RHEX: variants seen among roughly 807,000 people sequenced by gnomAD.
RHEX encodes the protein regulator of hemoglobinization and erythroid cell expansion protein.
A neutral mutation model predicts 20.1 loss-of-function variants in RHEX; 18 were observed. That is an observed-to-expected ratio of 0.90 (90% CI 0.62 to 1.33). The LOEUF is 1.33. RHEX is among the 40% of genes most tolerant of loss of function. The pLI is 0.00. For synonymous variants in RHEX, 87 were observed against 77.1 expected (o/e 1.13, Z -0.67); for missense variants, 192 against 214.3 (o/e 0.90, Z 0.65).
Position 206,097,774 on chromosome 1 carries a change from G to A in RHEX, c.-55G>A, listed in dbSNP as rs2102329601. The A allele has an allele frequency of 6.2e-7, 1 of 1,614,138 alleles. No individual in the cohort carries two copies. Among genetic ancestry groups the A allele is most frequent in the Non-Finnish European group, 8.5e-7 (1 of 1,179,990 alleles). ...CGGTGGCACTACTGAGAGACGAGGT[G>A]CCAGGGTGGTTCCTGAAAGTGCCTG... On this transcript the variant is annotated 5_prime_UTR_variant, in exon 2 of 6. Transcript: ENST00000331555.
intron 1 of RHEX, among the ~76,000 whole-genome samples, chr1:206,073,932 C>T (rs1337816781): frequency 4.6e-5 from 7 of 152,200 alleles, no homozygotes; most frequent in Admixed American, 2.6e-4. Flanking sequence ...CACTATCTGT[C>T]GGTTAAATCC....
At chr1:206,062,445 G>A (rs1234493436) in intron 1 of RHEX, among the ~76,000 whole-genome samples, 14 of 152,218 alleles carry the variant, frequency 9.2e-5, no homozygotes, top group Admixed American at 3.9e-4. Flanking sequence ...CAAAAGGGCC[G>A]AGGAGGGGGA....
Position 206,064,150 on chromosome 1 carries a change from G to A in RHEX, c.-97+10885G>A, listed in dbSNP as rs1210662041. On this transcript the variant is annotated intron_variant, in intron 1 of 5. Transcript: ENST00000331555. The stretch of plus-strand genomic sequence containing the variant: ...CGTCTGAGAAGTGAGGAGACCCTCC[G>A]CCCGGCAGCCGCCCCGTCTGAGAAG... 3.5e-4 allele frequency among the ~76,000 whole-genome samples: 51 copies of A among 145,924 alleles called. No homozygotes were observed. The East Asian group carries it at 8.8e-3, about 25-fold the overall frequency.
In RHEX at chr1:206,101,733, T is replaced by A; in HGVS notation, c.319-19T>A. ...CGTGGTAGGGATCTTGACCCACATG[T>A]CTCTGCTTTTCTCCTAAGGCCACAG... On this transcript the variant is annotated intron_variant, in intron 5 of 5. Transcript: ENST00000331555. 1 of 1,595,840 alleles carries A rather than the reference T, an allele frequency of 6.3e-7. No homozygotes were observed. The highest frequency in any genetic ancestry group is 1.3e-5 in the African/African-American group (1 of 74,518).
At chr1:206,083,654 A>C in intron 1 of RHEX, 2 of 984,606 alleles carry the variant, frequency 2.0e-6, no homozygotes, top group Non-Finnish European at 2.4e-6. Flanking sequence ...CCTAAGGGTA[A>C]GTACTGTCTA....
rs1387615139 is a variant in RHEX, at chr1:206,064,883, TG to T, written c.-97+11619del. On this transcript the variant is annotated intron_variant, in intron 1 of 5. Transcript: ENST00000331555. ...TGAGAAATCGGATGGTTGCCGTGTC[TG>T]TGTAGAAGGAGGTAGACATGGGAGA... Among the ~76,000 whole-genome samples, 639 of 148,206 alleles carry T rather than the reference TG, an allele frequency of 4.3e-3. 6 individuals are homozygous for T. The highest frequency in any genetic ancestry group is 0.016 in the African/African-American group (588 of 37,756).
Position 206,097,769 on chromosome 1 carries a change from G to T in RHEX, c.-60G>T. ...CCTGCCGGTGGCACTACTGAGAGACGAGGTGCCAGGGTGGTTCCTGAAAGT... is the reference window on the plus strand; with the variant it reads ...CCTGCCGGTGGCACTACTGAGAGACTAGGTGCCAGGGTGGTTCCTGAAAGT... On this transcript the variant is annotated 5_prime_UTR_variant, in exon 2 of 6. Transcript: ENST00000331555. 1 of 1,614,030 alleles carries T rather than the reference G, an allele frequency of 6.2e-7. No individual in the cohort carries two copies. Among genetic ancestry groups the T allele is most frequent in the Non-Finnish European group, 8.5e-7 (1 of 1,179,936 alleles).
Position 206,097,777 on chromosome 1 carries a change from A to C in RHEX, c.-52A>C. 1.9e-6 allele frequency: 3 copies of C among 1,614,136 alleles called. No homozygotes were observed. The highest frequency in any genetic ancestry group is 2.5e-6 in the Non-Finnish European group (3 of 1,179,994). The stretch of plus-strand genomic sequence containing the variant: ...TGGCACTACTGAGAGACGAGGTGCC[A>C]GGGTGGTTCCTGAAAGTGCCTGAGC... On this transcript the variant is annotated 5_prime_UTR_variant, in exon 2 of 6. Transcript: ENST00000331555.
intron 1 of RHEX, among the ~76,000 whole-genome samples, chr1:206,087,085 C>A (rs1365261432): frequency 1.3e-5 from 2 of 152,210 alleles, no homozygotes; most frequent in Non-Finnish European, 2.9e-5. Flanking sequence ...AGTAAAGCAA[C>A]TCACAGCTAG....
At chr1:206,098,816 C>T (rs1571874920) in intron 3 of RHEX, among the ~76,000 whole-genome samples, 2 of 152,280 alleles carry the variant, frequency 1.3e-5, no homozygotes, top group South Asian at 4.1e-4. Flanking sequence ...GCCTAGGCTA[C>T]ACAACAGGGA....
In RHEX at chr1:206,097,168, G is replaced by A. The variant is rs114866936; in HGVS notation, c.-96-565G>A. Among the ~76,000 whole-genome samples, 479 of 152,246 alleles carry A rather than the reference G, an allele frequency of 3.1e-3. 1 individual carries two copies. The highest frequency in any genetic ancestry group is 0.011 in the African/African-American group (456 of 41,534). The stretch of plus-strand genomic sequence containing the variant: ...CCATTTGTCTGAGGACTCTGAGGAG[G>A]TGAGAGACAGGTAATTTCCTGGAGT... On this transcript the variant is annotated intron_variant, in intron 1 of 5. Coordinates refer to ENST00000331555, the MANE Select transcript of RHEX (RefSeq NM_001007544.4).
chr1:206,091,998 T>C (rs564403608), intron 1 of RHEX, among the ~76,000 whole-genome samples: 91 of 152,298 alleles, frequency 6.0e-4, no homozygotes, highest in Non-Finnish European at 9.6e-4. Flanking sequence ...AGGAGGTAAG[T>C]CTGATAATGC....
chr1:206,062,402 A>G (rs1016370920), intron 1 of RHEX: 6 of 152,294 alleles, frequency 3.9e-5, no homozygotes, highest in African/African-American at 1.2e-4. Flanking sequence ...CTGGCCAACA[A>G]GGAAGCCCTC....
At chr1:206,062,786 G>A (rs1234628235) in intron 1 of RHEX, among the ~76,000 whole-genome samples, 2 of 152,146 alleles carry the variant, frequency 1.3e-5, no homozygotes, top group East Asian at 1.9e-4. Flanking sequence ...AACAGCTCCC[G>A]TGGGAACTGT....
rs536846860 is a variant in RHEX, at chr1:206,053,829, C to T, written c.-97+564C>T. Among the ~76,000 whole-genome samples the T allele has an allele frequency of 5.3e-5, 8 of 152,248 alleles. No individual in the cohort carries two copies. In the South Asian group the frequency reaches 6.2e-4, roughly 12 times the overall value. On this transcript the variant is annotated intron_variant, in intron 1 of 5. Transcript: ENST00000331555. Reference sequence around the variant, plus strand: ...CAGCTGCTTTTATACCCCCTTGCCCCGCCAACGTAGTTAAGAGAACAGCAG... The same window carrying T: ...CAGCTGCTTTTATACCCCCTTGCCCTGCCAACGTAGTTAAGAGAACAGCAG...
chr1:206,066,077 C>G (rs868961866), intron 1 of RHEX, among the ~76,000 whole-genome samples: 4 of 152,222 alleles, frequency 2.6e-5, no homozygotes, highest in Non-Finnish European at 4.4e-5. Flanking sequence ...TCATTCAAAT[C>G]AGTACCTGAG....
At chr1:206,057,771 T>C (rs1264577432) in intron 1 of RHEX, among the ~76,000 whole-genome samples, 1 of 152,274 alleles carries the variant, frequency 6.6e-6, no homozygotes, top group African/African-American at 2.4e-5. Context: ...GGAAAGACGA[T>C]GAATGGCCCC....
chr1:206,083,740 T>A, intron 1 of RHEX: 1 of 669,618 alleles, frequency 1.5e-6, no homozygotes. Context: ...TTAGAGAGGA[T>A]TCTCTGTTTA....
At chr1:206,073,156 G>A (rs1662567461) in intron 1 of RHEX, among the ~76,000 whole-genome samples, 1 of 152,054 alleles carries the variant, frequency 6.6e-6, no homozygotes, top group African/African-American at 2.4e-5. Context: ...GTCTTTACCA[G>A]GCCTTTGGGA....
Sources: allele counts gnomAD v4.1 joint callset (sites outside exome capture counted in the v4.1 genomes callset), GRCh38; gene constraint gnomAD v4.1.1; transcripts MANE v1.5; gene names NCBI Gene and HGNC (gene_info 2026-07-23, HGNC 2026-07-21).